Variants in MXD4 observed in about 807,000 individuals in gnomAD.
MXD4 encodes the protein MAX dimerization protein 4.
Under a neutral mutation model 24.5 loss-of-function variants are expected in MXD4, and 16 were observed. The observed-to-expected ratio is 0.65, with a 90% CI of 0.44 to 0.99. The LOEUF is 0.99. MXD4 is among the 50% of genes least tolerant of loss of function. The pLI is 0.00. For synonymous variants in MXD4, 164 were observed against 134.2 expected, an observed-to-expected ratio of 1.22 and a Z score of -1.54; for missense variants, 301 against 301.5, an observed-to-expected ratio of 1.00 and a Z score of 0.01.
intron 3 of MXD4, chr4:2,255,468 C>T: frequency 2.2e-6 from 1 of 449,864 alleles, no homozygotes; most frequent in Non-Finnish European, 4.5e-6. Context: ...ACAGAAATTC[C>T]TGCCCTGGAG....
intron 3 of MXD4, among the ~76,000 whole-genome samples, chr4:2,256,208 C>T (rs1173460319): frequency 1.3e-5 from 2 of 152,206 alleles, no homozygotes; most frequent in Non-Finnish European, 1.5e-5. Flanking sequence ...TGGAGTGGGG[C>T]CAGTGAGGTC....
intron 3 of MXD4, among the ~76,000 whole-genome samples, chr4:2,257,738 C>A (rs553064692): frequency 6.6e-6 from 1 of 152,384 alleles, no homozygotes; most frequent in South Asian, 2.1e-4. Context: ...ACATCTCTCA[C>A]CCCCACCTGG....
chr4:2,255,950 T>C (rs1046922158), intron 3 of MXD4, among the ~76,000 whole-genome samples: 2 of 152,062 alleles, frequency 1.3e-5, no homozygotes, highest in Admixed American at 6.5e-5. Context: ...TCCCTCTGCC[T>C]GCGTTTTCTA....
At chr4:2,253,162 T>C (rs1735358263) in intron 3 of MXD4, 1 of 152,994 alleles carries the variant, frequency 6.5e-6, no homozygotes, top group Non-Finnish European at 1.5e-5. Context: ...TCAAGGGTAC[T>C]TGCTCACATG....
In MXD4 at chr4:2,250,625, G is replaced by A. The variant is rs1188573102; in HGVS notation, c.549C>T (p.His183=). The A allele has an allele frequency of 6.8e-6, 11 of 1,613,328 alleles. No homozygotes were observed. Among genetic ancestry groups the A allele is most frequent in the South Asian group, 3.3e-5 (3 of 91,064 alleles). Residue 183 remains histidine (H), a synonymous_variant, in exon 6 of 6, where the codon CAC becomes CAT. Transcript: ENST00000337190. ...CGCCGGTGCCACTCTGCAGGCTGTA[G>A]TGGTCGTCCGCGTCACTGCTGCTGC... ...SVGSSSDADD[H]YSLQSGTGGD...
At chr4:2,254,403 A>G (rs1256575495) in intron 3 of MXD4, 1 of 152,178 alleles carries the variant, frequency 6.6e-6, no homozygotes, top group Non-Finnish European at 1.5e-5. Flanking sequence ...CAAACAAGGC[A>G]CAGGGAGCGT....
chr4:2,257,183 C>T (rs1051353313), intron 3 of MXD4, among the ~76,000 whole-genome samples: 4 of 152,144 alleles, frequency 2.6e-5, no homozygotes, highest in African/African-American at 4.8e-5. Context: ...GAGAACTGGC[C>T]GAGCACCAAA....
At chr4:2,252,723 C>T (rs1036511188) in intron 3 of MXD4, 9 of 541,484 alleles carry the variant, frequency 1.7e-5, no homozygotes, top group Admixed American at 1.3e-4. Context: ...CCCCCAGACA[C>T]CTGGCAGAAG....
At chr4:2,257,398 G>A (rs1735452769) in intron 3 of MXD4, among the ~76,000 whole-genome samples, 2 of 152,112 alleles carry the variant, frequency 1.3e-5, no homozygotes, top group Non-Finnish European at 2.9e-5. Context: ...GGCTCCCGCT[G>A]CCAGCCCCTA....
intron 4 of MXD4, 149 bp from the exon 5 acceptor site, chr4:2,251,395 C>A (rs1735320412): frequency 2.0e-6 from 2 of 1,008,004 alleles, no homozygotes; most frequent in South Asian, 3.9e-5. Flanking sequence ...GGTGCCCAGT[C>A]TCTGCCAGCC....
In MXD4 at chr4:2,249,708, C is replaced by T. The variant is rs1735272368; in HGVS notation, c.*836G>A. On this transcript the variant is annotated 3_prime_UTR_variant, in exon 6 of 6. Coordinates refer to ENST00000337190, the MANE Select transcript of MXD4 (RefSeq NM_006454.3). ...CCCTCTCCTGTGCAGACAGGCAGGACTACTGGGTGGGCGTGGGTGAGCAGG... is the reference window on the plus strand; with the variant it reads ...CCCTCTCCTGTGCAGACAGGCAGGATTACTGGGTGGGCGTGGGTGAGCAGG... The T allele has an allele frequency of 6.6e-6, 1 of 152,328 alleles. No homozygotes were observed. Among genetic ancestry groups the T allele is most frequent in the South Asian group, 2.1e-4 (1 of 4,836 alleles). The allele number at this position is 152,328 out of a possible 1,614,324, so 9.4% of individuals were successfully genotyped here.
In MXD4 at chr4:2,261,043, G is replaced by C. The variant is rs571978025; in HGVS notation, c.164+682C>G. Among the ~76,000 whole-genome samples, 13 of 152,316 alleles carry C rather than the reference G, an allele frequency of 8.5e-5. No homozygotes were observed. The East Asian group carries it at 2.5e-3, about 29-fold the overall frequency. ...TGGCACCCGTAGTAACGACTTCATGGGGCCCCTGCCCTGCAGCCTGCCCCC... is the reference window on the plus strand; with the variant it reads ...TGGCACCCGTAGTAACGACTTCATGCGGCCCCTGCCCTGCAGCCTGCCCCC... On this transcript the variant is annotated intron_variant, in intron 2 of 5. Transcript: ENST00000337190.
rs557500566 is a variant in MXD4 at position 2,257,158 on chromosome 4, C to T, written c.194+824G>A. Among the ~76,000 whole-genome samples, 155 of 152,304 alleles carry T rather than the reference C, an allele frequency of 1.0e-3. 1 individual carries two copies. Among genetic ancestry groups the T allele is most frequent in the African/African-American group, 3.6e-3 (149 of 41,568 alleles). On this transcript the variant is annotated intron_variant, in intron 3 of 5. Transcript: ENST00000337190. ...AAGTTGGTGCTGCTGTGGGGGTAGA[C>T]ATGGTGGGGAGGCGGAGAACTGGCC...
chr4:2,252,104 T>C (rs1200578663), intron 4 of MXD4, among the ~76,000 whole-genome samples: 1 of 152,030 alleles, frequency 6.6e-6, no homozygotes, highest in Non-Finnish European at 1.5e-5. Context: ...GAGAGCAATC[T>C]GTCCCCCGAC....
At chr4:2,252,749 G>A (rs1050179059) in intron 3 of MXD4, 1 of 509,890 alleles carries the variant, frequency 2.0e-6, no homozygotes, top group Non-Finnish European at 3.5e-6. Flanking sequence ...AGCTCACCAT[G>A]GCCTGCAAAG....
rs1236713147 is a variant in MXD4, at chr4:2,250,402, G to A, written c.*142C>T. ...AGGCCCTGACCGGCAAGCGGGCAGT[G>A]CCAGGCAGCCCAGCAGCAGCTGGAG... On this transcript the variant is annotated 3_prime_UTR_variant, in exon 6 of 6. Transcript: ENST00000337190. 9.4e-6 allele frequency: 11 copies of A among 1,168,818 alleles called. No homozygotes were observed. In the East Asian group the frequency reaches 1.6e-4, roughly 17 times the overall value. The allele number at this position is 1,168,818 out of a possible 1,614,324, so 72.4% of individuals were successfully genotyped here. A position where few individuals can be genotyped will look rare whatever the true frequency, so the allele number is the denominator to read the frequency against.
In MXD4 at chr4:2,250,964, A is replaced by G. The variant is rs1735308245; in HGVS notation, c.472+120T>C. ...TAGTGACAAACACACACCCCAGTGC[A>G]GCAGGGAGCTGGGAGGGTTCTCCCC... is the stretch of plus-strand genomic sequence containing the variant. On this transcript the variant is annotated intron_variant, in intron 5 of 5. Transcript: ENST00000337190. The G allele has an allele frequency of 2.3e-6, 3 of 1,293,770 alleles. No homozygotes were observed. In the African/African-American group the frequency reaches 4.5e-5, roughly 19 times the overall value. The allele number at this position is 1,293,770 out of a possible 1,614,324, so 80.1% of individuals were successfully genotyped here.
At chr4:2,261,648 G>T (rs557624372) in intron 2 of MXD4, 77 bp downstream of exon 2, 1 of 890,900 alleles carries the variant, frequency 1.1e-6, no homozygotes, top group African/African-American at 1.8e-5. Context: ...GCCGGGAATC[G>T]GGGCCCGGAG....
intron 3 of MXD4, among the ~76,000 whole-genome samples, chr4:2,255,519 C>T (rs1368986309): frequency 3.3e-5 from 5 of 152,102 alleles, no homozygotes; most frequent in South Asian, 2.1e-4. Flanking sequence ...TGGCTGGTTG[C>T]GGGACCCCAG....
Sources: gnomAD v4.1 joint callset for allele counts (sites outside exome capture counted in the v4.1 genomes callset) on GRCh38, gnomAD v4.1.1 for gene constraint, MANE v1.5 for transcripts, NCBI Gene and HGNC (gene_info 2026-07-23, HGNC 2026-07-21) for gene names.